The following SLC8A1 variants were observed in gnomAD, a reference collection of about 807,000 sequenced individuals.
The protein encoded by SLC8A1 is sodium/calcium exchanger 1.
A neutral mutation model predicts 68.3 loss-of-function variants in SLC8A1; 18 were observed. That is an observed-to-expected ratio of 0.26 (90% CI 0.18 to 0.39). The LOEUF is 0.39. Among genes scored for constraint, SLC8A1 ranks in the 10% least tolerant of loss-of-function variants. The pLI is 1.00. For synonymous variants in SLC8A1, 475 were observed against 415.5 expected, an observed-to-expected ratio of 1.14 and a Z score of -1.74; for missense variants, 985 against 1,156.7, an observed-to-expected ratio of 0.85 and a Z score of 2.15.
intron 2 of SLC8A1, among the ~76,000 whole-genome samples, chr2:40,312,654 G>T (rs550590804): frequency 1.3e-5 from 2 of 151,924 alleles, no homozygotes; most frequent in South Asian, 2.1e-4. Flanking sequence ...TAAACCAATG[G>T]GTCACATACA....
At chr2:40,264,393 A>C (rs1397875449) in intron 2 of SLC8A1, among the ~76,000 whole-genome samples, 2 of 152,114 alleles carry the variant, frequency 1.3e-5, no homozygotes, top group Non-Finnish European at 2.9e-5. Flanking sequence ...ATAAAGACAC[A>C]TGCACACGTA....
At chr2:40,255,897 C>T (rs1201581439) in intron 2 of SLC8A1, among the ~76,000 whole-genome samples, 2 of 152,230 alleles carry the variant, frequency 1.3e-5, no homozygotes, top group South Asian at 2.1e-4. Context: ...GGAAAGACTA[C>T]GTCTGGTGTT....
chr2:40,151,379 A>T (rs2043393628), intron 6 of SLC8A1, among the ~76,000 whole-genome samples: 1 of 152,224 alleles, frequency 6.6e-6, no homozygotes, highest in African/African-American at 2.4e-5. Context: ...TAATTCACAA[A>T]TAAATGTATT....
intron 2 of SLC8A1, among the ~76,000 whole-genome samples, chr2:40,302,835 G>A (rs557241852): frequency 6.6e-6 from 1 of 152,152 alleles, no homozygotes. Context: ...CACAGTGGTT[G>A]TACTCATACA....
At chr2:40,463,835 C>T (rs536417041) in intron 1 of SLC8A1, among the ~76,000 whole-genome samples, 1 of 111,366 alleles carries the variant, frequency 9.0e-6, no homozygotes, top group Non-Finnish European at 1.8e-5. Flanking sequence ...TACACACACA[C>T]ACATACACAC....
In SLC8A1 at chr2:40,174,905, G is replaced by A. The variant is rs569445449; in HGVS notation, c.1913-63C>T. 8 of 1,503,880 alleles carry A rather than the reference G, an allele frequency of 5.3e-6. No homozygotes were observed. In the African/African-American group the frequency reaches 1.1e-4, roughly 21 times the overall value. 93.2% of individuals were successfully genotyped at this position (1,503,880 alleles called of 1,614,324 possible). A position where few individuals can be genotyped will look rare whatever the true frequency, so the allele number is the denominator to read the frequency against. On this transcript the variant is annotated intron_variant, in intron 3 of 7. Transcript: ENST00000406785. ...GACACTCTACATAACAAATACCAGT[G>A]ACATCAGACTGCCTGACAACCCACC...
intron 4 of SLC8A1, among the ~76,000 whole-genome samples, chr2:40,174,003 A>G (rs189456761): frequency 6.6e-6 from 1 of 152,336 alleles, no homozygotes; most frequent in African/African-American, 2.4e-5. Context: ...ACACAGGCTG[A>G]GTACCATTCT....
At chr2:40,157,996 T>A (rs1213275852) in intron 6 of SLC8A1, among the ~76,000 whole-genome samples, 1 of 152,218 alleles carries the variant, frequency 6.6e-6, no homozygotes, top group Admixed American at 6.5e-5. Flanking sequence ...AGGGTTGACT[T>A]TGAAACCAGT....
intron 2 of SLC8A1, among the ~76,000 whole-genome samples, chr2:40,416,125 G>C (rs986763324): frequency 6.7e-6 from 1 of 149,870 alleles, no homozygotes; most frequent in African/African-American, 2.5e-5. Context: ...GTTCAAATTA[G>C]GTTGACTATG....
At chr2:40,246,571 GTTC>G (rs574508550) in intron 2 of SLC8A1, among the ~76,000 whole-genome samples, 47 of 152,182 alleles carry the variant, frequency 3.1e-4, no homozygotes, top group Non-Finnish European at 4.1e-4. Flanking sequence ...TGTGCAGTCA[GTTC>G]TTCTGCACAT....
At chr2:40,126,969 A>G (rs2038245475) in intron 7 of SLC8A1, among the ~76,000 whole-genome samples, 1 of 152,194 alleles carries the variant, frequency 6.6e-6, no homozygotes, top group South Asian at 2.1e-4. Flanking sequence ...TTGAAAGCCT[A>G]TGCTTTGCCA....
chr2:40,502,987 A>G (rs1706140590), intron 1 of SLC8A1, among the ~76,000 whole-genome samples: 1 of 151,948 alleles, frequency 6.6e-6, no homozygotes, highest in African/African-American at 2.4e-5. Context: ...TTGAGGGGAA[A>G]ATGGTCTGGA....
intron 1 of SLC8A1, among the ~76,000 whole-genome samples, chr2:40,473,030 C>T (rs1475517919): frequency 1.4e-5 from 2 of 147,006 alleles, no homozygotes; most frequent in Non-Finnish European, 3.0e-5. Flanking sequence ...AACCTGAGAG[C>T]AGCGCTGCTC....
At chr2:40,293,835 C>T (rs2069797721) in intron 2 of SLC8A1, among the ~76,000 whole-genome samples, 1 of 150,762 alleles carries the variant, frequency 6.6e-6, no homozygotes, top group Non-Finnish European at 1.5e-5. Context: ...AATTTTATGT[C>T]ATAAAAAACA....
chr2:40,221,907 A>G (rs1449192242), intron 2 of SLC8A1, among the ~76,000 whole-genome samples: 2 of 152,214 alleles, frequency 1.3e-5, no homozygotes, highest in African/African-American at 2.4e-5. Flanking sequence ...ATGCTCATGG[A>G]TAGGAAGAAT....
intron 2 of SLC8A1, among the ~76,000 whole-genome samples, chr2:40,425,557 A>C (rs1696633950): frequency 6.6e-6 from 1 of 151,888 alleles, no homozygotes; most frequent in Admixed American, 6.6e-5. Flanking sequence ...GCACAACATT[A>C]AACAAACATT....
At chr2:40,334,131 A>T (rs1665171647) in intron 2 of SLC8A1, among the ~76,000 whole-genome samples, 1 of 152,206 alleles carries the variant, frequency 6.6e-6, no homozygotes, top group East Asian at 1.9e-4. Context: ...TATCTATAGA[A>T]ACATAAGTGT....
At chr2:40,493,650 ATTTTTTTTTT>A (rs70957182) in intron 1 of SLC8A1, among the ~76,000 whole-genome samples, 1 of 134,622 alleles carries the variant, frequency 7.4e-6, no homozygotes, top group Non-Finnish European at 1.6e-5. Context: ...TTTCCTCAGT[ATTTTTTTTTT>A]TTTTTTTTTT....
chr2:40,274,264 TA>T (rs2066422156), intron 2 of SLC8A1, among the ~76,000 whole-genome samples: 1 of 150,694 alleles, frequency 6.6e-6, no homozygotes, highest in African/African-American at 2.4e-5. Context: ...ATCATATTTG[TA>T]GCCCCACATA....
Sources: allele counts gnomAD v4.1 joint callset (sites outside exome capture counted in the v4.1 genomes callset), GRCh38; gene constraint gnomAD v4.1.1; transcripts MANE v1.5; gene names NCBI Gene and HGNC (gene_info 2026-07-23, HGNC 2026-07-21).